The following CEP128 variants were observed in gnomAD, a reference collection of about 807,000 sequenced individuals.
CEP128 encodes the protein centrosomal protein 128, also known as centrosomal protein 128kDa.
In CEP128, 132 loss-of-function variants were observed where a neutral mutation model predicts 156.7. The observed-to-expected ratio is 0.84, with a 90% CI of 0.73 to 0.97. The LOEUF is 0.97. CEP128 is among the 50% of genes least tolerant of loss of function. The probability of loss-of-function intolerance (pLI) is 0.00; values close to 1 mark genes in which losing one functional copy is unlikely to be tolerated. For synonymous variants in CEP128, 469 were observed against 448.9 expected (o/e 1.04, Z -0.57); for missense variants, 1,252 against 1,281.9 (o/e 0.98, Z 0.36).
chr14:80,647,124 C>T (rs60548487), intron 19 of CEP128, among the ~76,000 whole-genome samples: 35,478 of 76,888 alleles, frequency 0.46, 9,478 homozygotes, highest in East Asian at 0.61. Context: ...CACACACACA[C>T]ATACACACAC....
chr14:80,891,736 T>C (rs946401493), intron 8 of CEP128, among the ~76,000 whole-genome samples: 4 of 152,064 alleles, frequency 2.6e-5, no homozygotes, highest in African/African-American at 7.2e-5. Context: ...CTTGAGGTGA[T>C]AGATACTCCC....
chr14:80,862,730 C>T (rs1887573498), intron 9 of CEP128, 27 bp downstream of exon 9: 1 of 1,400,622 alleles, frequency 7.1e-7, no homozygotes, highest in African/African-American at 1.4e-5. Flanking sequence ...TCAAGATTTA[C>T]ATTCCATGAA....
intron 21 of CEP128, among the ~76,000 whole-genome samples, chr14:80,540,205 C>G (rs557640744): frequency 7.3e-5 from 11 of 150,634 alleles, no homozygotes; most frequent in East Asian, 4.0e-4. Context: ...ACACCCCCCC[C>G]CCTTTTGAAA....
intron 10 of CEP128, among the ~76,000 whole-genome samples, chr14:80,840,199 CT>C (rs1886284718): frequency 1.3e-5 from 2 of 152,222 alleles, no homozygotes; most frequent in South Asian, 4.1e-4. Context: ...CTTTCTAACT[CT>C]AAAGTGCTAA....
chr14:80,884,231 A>T (rs1285146472), intron 8 of CEP128, among the ~76,000 whole-genome samples: 3 of 152,218 alleles, frequency 2.0e-5, no homozygotes, highest in Non-Finnish European at 4.4e-5. Context: ...GACAAATGGG[A>T]TCACATCAAG....
At chr14:80,842,702 T>C (rs1368641818) in intron 9 of CEP128, among the ~76,000 whole-genome samples, 1 of 151,826 alleles carries the variant, frequency 6.6e-6, no homozygotes. Context: ...AACTTAGACT[T>C]ATATTAAAAC....
intron 19 of CEP128, among the ~76,000 whole-genome samples, chr14:80,721,967 A>G (rs1288317778): frequency 6.6e-6 from 1 of 152,222 alleles, no homozygotes; most frequent in Non-Finnish European, 1.5e-5. Context: ...CATGGAACAC[A>G]TATATTTAAG....
Position 80,656,298 on chromosome 14 carries a change from TATATATA to T in CEP128, c.2807-75882_2807-75876del, listed in dbSNP as rs1895152636. On this transcript the variant is annotated intron_variant, in intron 19 of 24. Transcript: ENST00000555265. ...TTTTATTTATATATATATTTATATA[TATATATA>T]TATATATATATATATATATATATAT... is the stretch of plus-strand genomic sequence containing the variant. Among the ~76,000 whole-genome samples, 4 of 5,972 alleles carry T rather than the reference TATATATA, an allele frequency of 6.7e-4. No individual in the cohort carries two copies. In the Admixed American group the frequency reaches 8.4e-3, roughly 13 times the overall value. The allele number at this position is 5,972 out of a possible 152,430, so 3.9% of individuals were successfully genotyped here. A position where few individuals can be genotyped will look rare whatever the true frequency, so the allele number is the denominator to read the frequency against.
At chr14:80,635,083 G>A (rs1894124561) in intron 19 of CEP128, among the ~76,000 whole-genome samples, 1 of 152,124 alleles carries the variant, frequency 6.6e-6, no homozygotes, top group African/African-American at 2.4e-5. Context: ...AGTTCTCTCT[G>A]ATCAATCCCT....
intron 21 of CEP128, among the ~76,000 whole-genome samples, chr14:80,559,033 C>T (rs1282915892): frequency 6.6e-6 from 1 of 152,160 alleles, no homozygotes; most frequent in Non-Finnish European, 1.5e-5. Flanking sequence ...ATTAGTACAT[C>T]TTGACATCAG....
At chr14:80,656,273 TTTTATTTATATATATATTTATATATATA>T (rs1895133510) in intron 19 of CEP128, among the ~76,000 whole-genome samples, 4 of 51,338 alleles carry the variant, frequency 7.8e-5, no homozygotes, top group African/African-American at 2.5e-4. Context: ...AAACCTAAGT[TTTTATTTATATATATATTTATATATATA>T]TATATATATA....
At chr14:80,669,115 C>T (rs1405688813) in intron 19 of CEP128, among the ~76,000 whole-genome samples, 1 of 151,980 alleles carries the variant, frequency 6.6e-6, no homozygotes, top group Admixed American at 6.6e-5. Context: ...AAGAGTGAAA[C>T]GGTATGGAGA....
At chr14:80,838,796 AT>A (rs1321613703) in intron 10 of CEP128, among the ~76,000 whole-genome samples, 10 of 152,328 alleles carry the variant, frequency 6.6e-5, no homozygotes, top group African/African-American at 2.2e-4. Context: ...CATTCCTTAA[AT>A]TTTTAGATGT....
intron 13 of CEP128, among the ~76,000 whole-genome samples, chr14:80,809,842 T>C (rs1884402352): frequency 6.6e-6 from 1 of 151,738 alleles, no homozygotes; most frequent in African/African-American, 2.4e-5. Context: ...CAAGAAATGC[T>C]CAAGGGAGTC....
intron 17 of CEP128, among the ~76,000 whole-genome samples, chr14:80,759,464 A>C (rs182215741): frequency 1.3e-5 from 2 of 152,200 alleles, no homozygotes; most frequent in East Asian, 3.9e-4. Flanking sequence ...AACAAACATA[A>C]ATTTTATCTT....
chr14:80,594,119 C>A (rs1431350370), intron 19 of CEP128, among the ~76,000 whole-genome samples: 1 of 152,162 alleles, frequency 6.6e-6, no homozygotes, highest in Non-Finnish European at 1.5e-5. Context: ...GGTACCAACA[C>A]AGATATATAG....
chr14:80,610,173 A>G (rs751847827), intron 19 of CEP128, among the ~76,000 whole-genome samples: 10 of 152,124 alleles, frequency 6.6e-5, no homozygotes, highest in African/African-American at 9.7e-5. Flanking sequence ...TTTTTTTCCA[A>G]ATAAATGTCT....
chr14:80,667,780 C>T (rs8010801), intron 19 of CEP128, among the ~76,000 whole-genome samples: 58,755 of 148,846 alleles, frequency 0.39, 13,811 homozygotes, highest in Admixed American at 0.51. Context: ...ATGGCATGAA[C>T]CCGGGAGGCA....
At chr14:80,752,416 A>T (rs1899442804) in intron 18 of CEP128, among the ~76,000 whole-genome samples, 1 of 152,184 alleles carries the variant, frequency 6.6e-6, no homozygotes, top group African/African-American at 2.4e-5. Context: ...ATCAAGAAAA[A>T]AGCAAAATAA....
Sources: allele counts gnomAD v4.1 joint callset (sites outside exome capture counted in the v4.1 genomes callset), GRCh38; gene constraint gnomAD v4.1.1; transcripts MANE v1.5; gene names NCBI Gene and HGNC (gene_info 2026-07-23, HGNC 2026-07-21).